HIVEP3: variants seen among roughly 807,000 people sequenced by gnomAD.
HIVEP3 encodes the protein HIVEP zinc finger 3, also known as transcription factor HIVEP3.
In HIVEP3, 49 loss-of-function variants were observed where a neutral mutation model predicts 152.8. The ratio of observed to expected loss-of-function variants is 0.32; its 90% CI spans 0.26 to 0.41. The LOEUF (loss-of-function observed/expected upper bound fraction) is 0.41, where lower values mean the gene tolerates loss of function less well. HIVEP3 is among the 10% of genes least tolerant of loss of function. HIVEP3 has a pLI of 1.00. For missense variants in HIVEP3, 2,790 were observed against 3,103.3 expected (o/e 0.90, Z 2.40); for synonymous variants, 1,269 against 1,289.0 (o/e 0.98, Z 0.33).
chr1:41,792,039 T>C lies in HIVEP3; in HGVS notation c.-800-91044A>G, dbSNP rs183107888. ...TCTCTATACTTCTCCCAGGCAGAAG[T>C]GACCATTCCTCCCACTCCGTATGCC... is the stretch of plus-strand genomic sequence containing the variant. On this transcript the variant is annotated intron_variant, in intron 1 of 8. Coordinates refer to ENST00000372583, the MANE Select transcript of HIVEP3 (RefSeq NM_024503.5). Among the ~76,000 whole-genome samples the C allele has an allele frequency of 2.6e-5, 4 of 152,284 alleles. No individual in the cohort carries two copies. The East Asian group carries it at 7.7e-4, about 29-fold the overall frequency.
At chr1:41,822,891 T>C (rs1324661690) in intron 1 of HIVEP3, among the ~76,000 whole-genome samples, 1 of 152,222 alleles carries the variant, frequency 6.6e-6, no homozygotes, top group East Asian at 1.9e-4. Context: ...CTTGTTCTTT[T>C]TACTACCTTT....
chr1:42,029,694 G>A (rs978707144), intron 1 of HIVEP3, among the ~76,000 whole-genome samples: 7 of 152,172 alleles, frequency 4.6e-5, no homozygotes, highest in African/African-American at 9.7e-5. Context: ...TGTTGCTTGT[G>A]AACCTAGTCC....
chr1:41,521,693 A>C (rs1642762845), intron 6 of HIVEP3, among the ~76,000 whole-genome samples: 1 of 152,252 alleles, frequency 6.6e-6, no homozygotes. Context: ...AGGAAAGGCA[A>C]GTGAGAGGTA....
At chr1:41,671,946 G>A (rs990242509) in intron 2 of HIVEP3, among the ~76,000 whole-genome samples, 2 of 152,214 alleles carry the variant, frequency 1.3e-5, no homozygotes, top group African/African-American at 4.8e-5. Context: ...CCTGAAGGGA[G>A]GGAGAAGAAA....
intron 1 of HIVEP3, among the ~76,000 whole-genome samples, chr1:41,782,050 C>T (rs936439549): frequency 2.0e-5 from 3 of 152,216 alleles, no homozygotes; most frequent in Non-Finnish European, 4.4e-5. Context: ...ACAACCCAGG[C>T]GTCCAACCTT....
At chr1:42,011,862 C>G (rs1645493630) in intron 1 of HIVEP3, among the ~76,000 whole-genome samples, 1 of 152,200 alleles carries the variant, frequency 6.6e-6, no homozygotes, top group South Asian at 2.1e-4. Flanking sequence ...TCCTGTGCTA[C>G]TCTCTAGTCT....
intron 1 of HIVEP3, among the ~76,000 whole-genome samples, chr1:41,781,267 A>G (rs570820803): frequency 6.6e-6 from 1 of 152,324 alleles, no homozygotes; most frequent in Non-Finnish European, 1.5e-5. Context: ...GAAAGTTATC[A>G]TTGTGACAAT....
At chr1:41,653,255 CAT>C (rs200041392) in intron 2 of HIVEP3, among the ~76,000 whole-genome samples, 2,430 of 150,790 alleles carry the variant, frequency 0.016, 31 homozygotes, top group Non-Finnish European at 0.022. Flanking sequence ...ATATATATAA[CAT>C]ATATATATAT....
intron 1 of HIVEP3, among the ~76,000 whole-genome samples, chr1:41,801,234 A>T (rs75125447): frequency 0.016 from 2,477 of 152,238 alleles, 68 homozygotes; most frequent in African/African-American, 0.056. Flanking sequence ...ATTAAGGTTG[A>T]GGGAGTAGCA....
In HIVEP3 at chr1:41,780,334, C is replaced by A. The variant is rs116419584; in HGVS notation, c.-800-79339G>T. Among the ~76,000 whole-genome samples the A allele has an allele frequency of 7.7e-3, 1,168 of 152,244 alleles. 18 individuals are homozygous for A. The highest frequency in any genetic ancestry group is 0.027 in the African/African-American group (1,109 of 41,532). ...GGGGTGTCAAGTGCCAAAGGGAGCACCAGGTGCTGAAAGCCAGTGCCAAGG... is the reference window on the plus strand; with the variant it reads ...GGGGTGTCAAGTGCCAAAGGGAGCAACAGGTGCTGAAAGCCAGTGCCAAGG... On this transcript the variant is annotated intron_variant, in intron 1 of 8. Transcript: ENST00000372583.
chr1:41,979,548 A>G (rs1489007004), intron 1 of HIVEP3, among the ~76,000 whole-genome samples: 13 of 152,114 alleles, frequency 8.5e-5, no homozygotes, highest in Non-Finnish European at 1.9e-4. Context: ...TCTCCCTATT[A>G]CTGTCACTCA....
chr1:41,542,175 C>T (rs765337077), intron 5 of HIVEP3: 3 of 152,362 alleles, frequency 2.0e-5, no homozygotes, highest in African/African-American at 4.8e-5. Flanking sequence ...ACCTCAAAAG[C>T]GAAGCTAATG....
chr1:41,540,322 A>G (rs559680187), intron 5 of HIVEP3, among the ~76,000 whole-genome samples: 1 of 152,230 alleles, frequency 6.6e-6, no homozygotes, highest in Non-Finnish European at 1.5e-5. Flanking sequence ...AAATCCTGCA[A>G]TGAGCTCAAG....
intron 1 of HIVEP3, among the ~76,000 whole-genome samples, chr1:41,755,631 C>T (rs6699252): frequency 0.83 from 124,411 of 149,892 alleles, 54,663 homozygotes; most frequent in Non-Finnish European, 0.98. Context: ...ACACCCAAAA[C>T]AATAAACAAT....
intron 5 of HIVEP3, among the ~76,000 whole-genome samples, chr1:41,544,859 C>T (rs1410858459): frequency 2.0e-4 from 19 of 95,568 alleles, no homozygotes; most frequent in East Asian, 3.0e-4. Context: ...CCACCACCAC[C>T]ACCACCACCA....
chr1:41,713,112 GA>G (rs1646539509), intron 1 of HIVEP3, among the ~76,000 whole-genome samples: 1 of 152,176 alleles, frequency 6.6e-6, no homozygotes, highest in Non-Finnish European at 1.5e-5. Context: ...AATAAAGTAA[GA>G]AATAAAAGGC....
rs200281948 is a variant in HIVEP3, at chr1:41,787,535, CT to C, written c.-800-86541del. Among the ~76,000 whole-genome samples, 768 of 122,804 alleles carry C rather than the reference CT, an allele frequency of 6.3e-3. 1 individual carries two copies. Among genetic ancestry groups the C allele is most frequent in the East Asian group, 0.018 (82 of 4,560 alleles). The allele number at this position is 122,804 out of a possible 152,430, so 80.6% of individuals were successfully genotyped here. A position where few individuals can be genotyped will look rare whatever the true frequency, so the allele number is the denominator to read the frequency against. On this transcript the variant is annotated intron_variant, in intron 1 of 8. Coordinates refer to ENST00000372583, the MANE Select transcript of HIVEP3 (RefSeq NM_024503.5). ...TTTTCTCTTTTCCTTTTCTTTCTTT[CT>C]TTTTTTTTTTTTTTTTTAATGGGAT...
Position 41,608,943 on chromosome 1 carries a change from G to A in HIVEP3, c.-522+19806C>T, listed in dbSNP as rs374014784. Among the ~76,000 whole-genome samples the A allele has an allele frequency of 2.7e-5, 4 of 147,308 alleles. No individual in the cohort carries two copies. In the Admixed American group the frequency reaches 2.7e-4, roughly 10 times the overall value. The stretch of plus-strand genomic sequence containing the variant: ...AAAAAAAAAAAAAAAAAATAGCCAG[G>A]TGTGGTGGTGCATGCCTGTAATCCC... On this transcript the variant is annotated intron_variant, in intron 3 of 8. Transcript: ENST00000372583.
chr1:42,007,820 T>TC (rs1387063785), intron 1 of HIVEP3, among the ~76,000 whole-genome samples: 1 of 79,574 alleles, frequency 1.3e-5, no homozygotes, highest in Non-Finnish European at 3.0e-5. Context: ...ATTCATTTGC[T>TC]TAAAAAAATG....
Sources: allele counts gnomAD v4.1 joint callset (sites outside exome capture counted in the v4.1 genomes callset), GRCh38; gene constraint gnomAD v4.1.1; transcripts MANE v1.5; gene names NCBI Gene and HGNC (gene_info 2026-07-23, HGNC 2026-07-21).